WNK3: variants seen among roughly 807,000 people sequenced by gnomAD.
WNK3 encodes the protein WNK lysine deficient protein kinase 3, also known as serine/threonine-protein kinase WNK3.
A neutral mutation model predicts 116.7 loss-of-function variants in WNK3; 18 were observed. The observed-to-expected ratio is 0.15, with a 90% CI of 0.11 to 0.23. WNK3 has a LOEUF of 0.23. Ranked by LOEUF, WNK3 falls within the 10% of genes least tolerant of loss-of-function variation. WNK3 has a pLI of 1.00. For missense variants in WNK3, 993 were observed against 1,323.8 expected (o/e 0.75, Z 3.88); for synonymous variants, 404 against 469.4 (o/e 0.86, Z 1.80).
chrX:54,314,464 A>G (rs2068927595), intron 2 of WNK3, among the ~76,000 whole-genome samples: 1 of 111,091 alleles, frequency 9.0e-6, no homozygotes. Context: ...GTTGTTTTCT[A>G]TTATTAACTA....
exon 2 of WNK3, chrX:54,333,451 A>T: frequency 8.3e-7 from 1 of 1,210,401 alleles, no homozygotes; most frequent in East Asian, 3.0e-5. Context: ...TCTTTGGGGG[A>T]TGATTCGGCA....
At position 54,213,553 on chromosome X, in the gene WNK3, C is replaced by CAAAA. The variant is rs782580375; in HGVS notation, c.4871-11364_4871-11361dup. On this transcript the variant is annotated intron_variant, in intron 22 of 23. Coordinates refer to ENST00000354646, the Ensembl canonical transcript of WNK3. ...AGGGCGACAGAGTGAGACTCCGTCT[C>CAAAA]AAAAAAAAAAACAAACAAAAAAAAA... Among the ~76,000 whole-genome samples, 21 of 14,238 alleles carry CAAAA rather than the reference C, an allele frequency of 1.5e-3. 4 individuals are homozygous for CAAAA. The highest frequency in any genetic ancestry group is 0.01 in the African/African-American group (18 of 1,773). 12.4% of individuals were successfully genotyped at this position (14,238 alleles called of 115,157 possible).
rs1310886668 is a variant in WNK3, at chrX:54,266,030, C to T, written c.2038-6692G>A. Among the ~76,000 whole-genome samples, 3 of 111,556 alleles carry T rather than the reference C, an allele frequency of 2.7e-5. 1 individual carries two copies. Among genetic ancestry groups the T allele is most frequent in the Non-Finnish European group, 3.8e-5 (2 of 53,067 alleles). On this transcript the variant is annotated intron_variant, in intron 10 of 23. Coordinates refer to ENST00000354646, the Ensembl canonical transcript of WNK3. Reference sequence around the variant, plus strand: ...AAAAAAGAGCTGAATTAGACCAGCACGACAATGGTGAAGGTGTTGAGAAGT... The same window carrying T: ...AAAAAAGAGCTGAATTAGACCAGCATGACAATGGTGAAGGTGTTGAGAAGT...
chrX:54,266,258 T>C (rs923430321), intron 10 of WNK3, among the ~76,000 whole-genome samples: 2 of 110,412 alleles, frequency 1.8e-5, no homozygotes, highest in Admixed American at 9.7e-5. Context: ...ATTGAACTCA[T>C]AGAGATAGAA....
At chrX:54,236,646 A>G (rs1267294057) in intron 20 of WNK3, among the ~76,000 whole-genome samples, 2 of 111,881 alleles carry the variant, frequency 1.8e-5, no homozygotes, top group Admixed American at 9.6e-5. Context: ...GTGAAATTAT[A>G]TAAGAATAGT....
chrX:54,298,668 C>G (rs2068724219), intron 6 of WNK3, among the ~76,000 whole-genome samples: 1 of 111,653 alleles, frequency 9.0e-6, no homozygotes, highest in Admixed American at 9.6e-5. Flanking sequence ...TGAATTCTTA[C>G]AAGTAATACA....
At chrX:54,259,739 G>A (rs1284333905) in intron 10 of WNK3, among the ~76,000 whole-genome samples, 1 of 111,507 alleles carries the variant, frequency 9.0e-6, no homozygotes, top group Non-Finnish European at 1.9e-5. Flanking sequence ...TAGTCTGTCT[G>A]TCTGTCTCTC....
intron 1 of WNK3, among the ~76,000 whole-genome samples, chrX:54,345,135 G>A (rs1348249389): frequency 9.3e-6 from 1 of 107,076 alleles, no homozygotes; most frequent in Admixed American, 1.0e-4. Context: ...CCAGCTACTC[G>A]GGAGGCTGAG....
chrX:54,258,277 CAA>C (rs1177900992), intron 11 of WNK3, among the ~76,000 whole-genome samples: 14 of 28,025 alleles, frequency 5.0e-4, no homozygotes, highest in African/African-American at 6.6e-4. Flanking sequence ...GACTCCATCT[CAA>C]AAAAAAAAAA....
chrX:54,321,828 C>A (rs949982911), intron 2 of WNK3, among the ~76,000 whole-genome samples: 2 of 108,709 alleles, frequency 1.8e-5, no homozygotes, highest in African/African-American at 3.3e-5. Context: ...GGCGTGGTAG[C>A]GCATGCCTAT....
At chrX:54,305,523 T>C (rs1239481057) in intron 5 of WNK3, among the ~76,000 whole-genome samples, 1 of 111,794 alleles carries the variant, frequency 8.9e-6, no homozygotes, top group African/African-American at 3.2e-5. Flanking sequence ...TTCCTGTTTG[T>C]TTCATAAAAT....
intron 2 of WNK3, among the ~76,000 whole-genome samples, chrX:54,318,934 C>T (rs1430534465): frequency 2.7e-5 from 3 of 109,587 alleles, no homozygotes; most frequent in Admixed American, 9.8e-5. Context: ...CCCGCCATCA[C>T]GCCTGACTAA....
chrX:54,270,964 A>T (rs1320377207), intron 10 of WNK3, among the ~76,000 whole-genome samples: 1 of 111,684 alleles, frequency 9.0e-6, no homozygotes, highest in Non-Finnish European at 1.9e-5. Flanking sequence ...TTTTTAGTAG[A>T]GACACAGTTT....
exon 24 of WNK3, chrX:54,198,337 G>C (rs781991689): frequency 2.5e-6 from 3 of 1,195,856 alleles, no homozygotes; most frequent in Non-Finnish European, 3.4e-6. Context: ...TTTAGGACCA[G>C]GAGGGATTGT....
At chrX:54,337,036 T>C (rs2069248254) in intron 1 of WNK3, among the ~76,000 whole-genome samples, 1 of 110,544 alleles carries the variant, frequency 9.0e-6, no homozygotes, top group African/African-American at 3.3e-5. Flanking sequence ...CTCTTTATTC[T>C]GAAATAATTT....
chrX:54,307,181 C>T (rs1335442430), intron 5 of WNK3, among the ~76,000 whole-genome samples: 1 of 105,392 alleles, frequency 9.5e-6, no homozygotes, highest in African/African-American at 3.5e-5. Context: ...GAGCCGAGAT[C>T]CCGCCACTGC....
intron 2 of WNK3, among the ~76,000 whole-genome samples, chrX:54,321,416 T>C: frequency 9.0e-6 from 1 of 111,519 alleles, no homozygotes; most frequent in African/African-American, 3.3e-5. Context: ...ACTTTCTGGT[T>C]CACTACTCTG....
At chrX:54,259,225 C>T in intron 11 of WNK3, 49 bp downstream of exon 11, 1 of 907,599 alleles carries the variant, frequency 1.1e-6, no homozygotes. Flanking sequence ...AGTAAACAAA[C>T]TTCAGCATAT....
intron 23 of WNK3, 86 bp downstream of exon 23, chrX:54,201,905 T>C (rs1476699227): frequency 2.6e-6 from 2 of 773,583 alleles, no homozygotes; most frequent in Non-Finnish European, 1.9e-6. Context: ...TACTCTCTCA[T>C]AGTGACTGTA....
Sources: allele counts gnomAD v4.1 joint callset (sites outside exome capture counted in the v4.1 genomes callset), GRCh38; gene constraint gnomAD v4.1.1; transcripts MANE v1.5; gene names NCBI Gene and HGNC (gene_info 2026-07-23, HGNC 2026-07-21).